The following NAV3 variants were observed in gnomAD, a reference collection of about 807,000 sequenced individuals.
NAV3 encodes the protein pore membrane and/or filament interacting like protein 1.
In NAV3, 87 loss-of-function variants were observed where a neutral mutation model predicts 244.7. That is an observed-to-expected ratio of 0.36 (90% CI 0.30 to 0.42). NAV3 has a LOEUF of 0.42. Ranked by LOEUF, NAV3 falls within the 20% of genes least tolerant of loss-of-function variation. The pLI is 1.00. For synonymous variants in NAV3, 1,126 were observed against 1,042.2 expected (o/e 1.08, Z -1.55); for missense variants, 2,663 against 2,893.3 (o/e 0.92, Z 1.83).
chr12:77,955,871 GA>G (rs1891312614), intron 3 of NAV3, among the ~76,000 whole-genome samples: 1 of 151,550 alleles, frequency 6.6e-6, no homozygotes, highest in Non-Finnish European at 1.5e-5. Flanking sequence ...ACCCTGTCTC[GA>G]AAAAAGAAAA....
At chr12:78,024,356 A>G (rs1428646992) in intron 9 of NAV3, among the ~76,000 whole-genome samples, 2 of 152,008 alleles carry the variant, frequency 1.3e-5, no homozygotes, top group African/African-American at 2.4e-5. Flanking sequence ...TACATATATG[A>G]CCTCCAACCT....
At chr12:78,106,701 A>T (rs1409293328) in intron 12 of NAV3, among the ~76,000 whole-genome samples, 1 of 152,146 alleles carries the variant, frequency 6.6e-6, no homozygotes, top group Non-Finnish European at 1.5e-5. Context: ...GAAACTCCTC[A>T]CACCTGGCCC....
At chr12:78,196,664 T>C (rs1959179317) in intron 34 of NAV3, among the ~76,000 whole-genome samples, 1 of 152,124 alleles carries the variant, frequency 6.6e-6, no homozygotes, top group South Asian at 2.1e-4. Flanking sequence ...TTTGTCTTTG[T>C]TTAAAATTAC....
rs137985812 is a variant in NAV3, at chr12:78,173,291, T to C, written c.4982-2015T>C. ...TCTTTATTGGTGAATGCAGTCATAA[T>C]TGAAGGTAACTGATACTTCCAAGGA... On this transcript the variant is annotated intron_variant, in intron 24 of 39. Transcript: ENST00000397909. Among the ~76,000 whole-genome samples the C allele has an allele frequency of 4.8e-3, 734 of 151,754 alleles. 5 individuals carry two copies. The highest frequency in any genetic ancestry group is 0.016 in the African/African-American group (683 of 41,514).
chr12:77,616,576 G>A (rs964207669), intron 2 of NAV3, among the ~76,000 whole-genome samples: 1 of 152,224 alleles, frequency 6.6e-6, no homozygotes, highest in South Asian at 2.1e-4. Flanking sequence ...GTTTACAGGT[G>A]AGGAAATTGG....
At chr12:77,868,385 G>A (rs1206557914) in intron 1 of NAV3, among the ~76,000 whole-genome samples, 1 of 152,016 alleles carries the variant, frequency 6.6e-6, no homozygotes, top group Admixed American at 6.6e-5. Flanking sequence ...GGAAAAAACT[G>A]ATGTGTGAAA....
intron 22 of NAV3, among the ~76,000 whole-genome samples, chr12:78,158,355 G>T (rs1216147676): frequency 6.6e-6 from 1 of 152,120 alleles, no homozygotes; most frequent in Non-Finnish European, 1.5e-5. Flanking sequence ...AGATTGAAGT[G>T]CCTCTTCATT....
chr12:77,902,045 T>C (rs2136929631), intron 1 of NAV3, among the ~76,000 whole-genome samples: 1 of 152,338 alleles, frequency 6.6e-6, no homozygotes, highest in Non-Finnish European at 1.5e-5. Context: ...CCTCTGAAAC[T>C]AGTGATATAT....
At chr12:78,117,468 G>A (rs1007446671) in intron 13 of NAV3, among the ~76,000 whole-genome samples, 3 of 144,942 alleles carry the variant, frequency 2.1e-5, no homozygotes, top group African/African-American at 7.5e-5. Flanking sequence ...AAGCTATATG[G>A]TGTGTATATA....
intron 5 of NAV3, among the ~76,000 whole-genome samples, chr12:77,976,968 C>T (rs1357744489): frequency 6.6e-6 from 1 of 152,098 alleles, no homozygotes; most frequent in Non-Finnish European, 1.5e-5. Flanking sequence ...AGCCACCACA[C>T]CCGGCCTGTA....
chr12:78,199,199 GCCA>G (rs751456957), intron 36 of NAV3, 133 bp from the exon 37 acceptor site: 1 of 736,990 alleles, frequency 1.4e-6, no homozygotes, highest in South Asian at 1.6e-5. Flanking sequence ...TGAAAAGGTG[GCCA>G]CCAATTGAAA....
At chr12:77,972,346 G>T (rs1476966230) in intron 5 of NAV3, among the ~76,000 whole-genome samples, 3 of 151,860 alleles carry the variant, frequency 2.0e-5, no homozygotes, top group African/African-American at 7.3e-5. Context: ...TTCATTACAG[G>T]GTATTATTTG....
intron 1 of NAV3, among the ~76,000 whole-genome samples, chr12:77,848,342 G>A (rs1250740132): frequency 6.6e-6 from 1 of 152,170 alleles, no homozygotes; most frequent in African/African-American, 2.4e-5. Context: ...CAACTGGATT[G>A]TGTAACTTTA....
chr12:77,727,338 G>A (rs1039056047), intron 2 of NAV3, among the ~76,000 whole-genome samples: 7 of 151,860 alleles, frequency 4.6e-5, no homozygotes, highest in African/African-American at 1.7e-4. Context: ...TTTATCTGTG[G>A]AAGCTTTGTA....
chr12:77,845,107 A>C (rs1273325062), intron 1 of NAV3, among the ~76,000 whole-genome samples: 1 of 152,190 alleles, frequency 6.6e-6, no homozygotes, highest in Non-Finnish European at 1.5e-5. Flanking sequence ...ATTTACACAC[A>C]GTTTTGTATA....
At chr12:78,103,297 A>G (rs2138245392) in intron 12 of NAV3, among the ~76,000 whole-genome samples, 1 of 152,282 alleles carries the variant, frequency 6.6e-6, no homozygotes, top group Middle Eastern at 3.4e-3. Context: ...CTAAAACATA[A>G]CAAGAGTCGC....
At position 78,042,705 on chromosome 12, in the gene NAV3, C is replaced by G. The variant is rs761532128; in HGVS notation, c.2024-7288C>G. The stretch of plus-strand genomic sequence containing the variant: ...TTGAGAGGCCGAAGCAGGGGAATCG[C>G]TTGAATTCCAGAGGTGGAGTTTGCA... On this transcript the variant is annotated intron_variant, in intron 9 of 39. Transcript: ENST00000397909. 2.6e-5 allele frequency among the ~76,000 whole-genome samples: 4 copies of G among 152,244 alleles called. No individual in the cohort carries two copies. In the South Asian group the frequency reaches 8.3e-4, roughly 32 times the overall value.
At chr12:78,124,480 G>T (rs1955819659) in intron 16 of NAV3, among the ~76,000 whole-genome samples, 1 of 152,020 alleles carries the variant, frequency 6.6e-6, no homozygotes, top group Non-Finnish European at 1.5e-5. Context: ...TTGAAATGGA[G>T]CCTCACTCTG....
At chr12:77,733,868 G>A (rs1370693260) in intron 2 of NAV3, among the ~76,000 whole-genome samples, 2 of 127,734 alleles carry the variant, frequency 1.6e-5, no homozygotes, top group Non-Finnish European at 3.3e-5. Flanking sequence ...GCAAGAGGTT[G>A]ATTTAAGAGC....
Sources: allele counts gnomAD v4.1 joint callset (sites outside exome capture counted in the v4.1 genomes callset), GRCh38; gene constraint gnomAD v4.1.1; transcripts MANE v1.5; gene names NCBI Gene and HGNC (gene_info 2026-07-23, HGNC 2026-07-21).